The following SYNPR variants were observed in gnomAD, a reference collection of about 807,000 sequenced individuals.
SYNPR encodes the protein synaptoporin.
A neutral mutation model predicts 32.9 loss-of-function variants in SYNPR; 23 were observed. That is an observed-to-expected ratio of 0.70 (90% confidence interval 0.50 to 0.99). The LOEUF (loss-of-function observed/expected upper bound fraction) is 0.99, where lower values mean the gene tolerates loss of function less well. SYNPR is among the 50% of genes least tolerant of loss of function. The pLI, the probability that SYNPR is intolerant of heterozygous loss-of-function variation, is 0.00. For missense variants in SYNPR, 318 were observed against 349.3 expected, an observed-to-expected ratio of 0.91 and a Z score of 0.71; for synonymous variants, 146 against 135.9, an observed-to-expected ratio of 1.07 and a Z score of -0.52.
At chr3:63,404,170 G>A (rs74707084) in intron 2 of SYNPR, among the ~76,000 whole-genome samples, 2,679 of 152,226 alleles carry the variant, frequency 0.018, 33 homozygotes, top group Non-Finnish European at 0.027. Flanking sequence ...GCTGTAGAAA[G>A]GAAGCTGAAT....
chr3:63,563,142 T>C (rs1304166640), intron 4 of SYNPR, among the ~76,000 whole-genome samples: 18 of 152,184 alleles, frequency 1.2e-4, no homozygotes, highest in Admixed American at 1.2e-3. Context: ...AGTTCTGTCT[T>C]CCTCCAGTCC....
At chr3:63,485,402 T>C (rs1371359241) in intron 3 of SYNPR, among the ~76,000 whole-genome samples, 3 of 152,026 alleles carry the variant, frequency 2.0e-5, no homozygotes, top group African/African-American at 4.8e-5. Flanking sequence ...GAAAACTTTA[T>C]GTATGCTACC....
At chr3:63,579,788 AAC>A (rs59802344) in intron 4 of SYNPR, among the ~76,000 whole-genome samples, 14,530 of 145,950 alleles carry the variant, frequency 0.1, 809 homozygotes, top group African/African-American at 0.16. Flanking sequence ...ATTTAACTAA[AAC>A]ACACACACAC....
intron 1 of SYNPR, among the ~76,000 whole-genome samples, chr3:63,240,114 C>T (rs1409246976): frequency 2.0e-5 from 3 of 152,074 alleles, no homozygotes; most frequent in African/African-American, 4.8e-5. Context: ...CCTTACTCCT[C>T]ATGAGTTTTG....
At chr3:63,601,593 G>GCAGTACTTGGTTTTCTGTT (rs1344292815) in intron 4 of SYNPR, among the ~76,000 whole-genome samples, 4 of 152,086 alleles carry the variant, frequency 2.6e-5, no homozygotes, top group African/African-American at 4.8e-5. Context: ...GTGAGAACAT[G>GCAGTACTTGGTTTTCTGTT]CAGTACTTGG....
At chr3:63,321,712 G>C (rs764304792) in intron 2 of SYNPR, among the ~76,000 whole-genome samples, 1 of 152,080 alleles carries the variant, frequency 6.6e-6, no homozygotes, top group African/African-American at 2.4e-5. Flanking sequence ...AGGGAGTAAA[G>C]TCTGAAATTA....
chr3:63,343,248 G>A (rs2087391087), intron 2 of SYNPR, among the ~76,000 whole-genome samples: 1 of 152,210 alleles, frequency 6.6e-6, no homozygotes, highest in African/African-American at 2.4e-5. Flanking sequence ...TACTGTAGGT[G>A]TGCTGCAACA....
At chr3:63,436,706 C>G (rs1176915063) in intron 2 of SYNPR, among the ~76,000 whole-genome samples, 1 of 152,170 alleles carries the variant, frequency 6.6e-6, no homozygotes, top group African/African-American at 2.4e-5. Flanking sequence ...AGCAACTCTT[C>G]ATGGACCCAA....
intron 3 of SYNPR, among the ~76,000 whole-genome samples, chr3:63,509,775 T>C (rs912044418): frequency 6.6e-6 from 1 of 152,142 alleles, no homozygotes; most frequent in East Asian, 1.9e-4. Flanking sequence ...CAGCATAATC[T>C]GAAGCAAAAA....
At chr3:63,228,850 C>A (rs1397510825) in intron 1 of SYNPR, among the ~76,000 whole-genome samples, 1 of 151,868 alleles carries the variant, frequency 6.6e-6, no homozygotes, top group East Asian at 1.9e-4. Flanking sequence ...GTTTTGCTTT[C>A]ACGCCATCTG....
chr3:63,434,478 G>T (rs1031217486), intron 2 of SYNPR, among the ~76,000 whole-genome samples: 1 of 152,092 alleles, frequency 6.6e-6, no homozygotes, highest in African/African-American at 2.4e-5. Flanking sequence ...CCCCCTTCAT[G>T]GGGAAATGAT....
chr3:63,589,166 G>C (rs1007325657), intron 4 of SYNPR, among the ~76,000 whole-genome samples: 2 of 152,066 alleles, frequency 1.3e-5, no homozygotes, highest in Admixed American at 1.3e-4. Context: ...TCCTGAGACT[G>C]CTTTGAGAAC....
chr3:63,293,601 C>T (rs12488109), intron 2 of SYNPR, among the ~76,000 whole-genome samples: 31,492 of 152,120 alleles, frequency 0.21, 3,812 homozygotes, highest in South Asian at 0.38. Flanking sequence ...TATTTTCTCA[C>T]AGTTCTGGAG....
At chr3:63,220,961 T>G in the SYNPR span, among the ~76,000 whole-genome samples, 1 of 152,220 alleles carries the variant, frequency 6.6e-6, no homozygotes, top group Non-Finnish European at 1.5e-5. Context: ...TATTAAACTC[T>G]TTAGATTCAA....
intron 2 of SYNPR, among the ~76,000 whole-genome samples, chr3:63,299,434 G>GT (rs901858867): frequency 2.2e-4 from 34 of 151,690 alleles, no homozygotes; most frequent in South Asian, 8.3e-4. Context: ...GTTTTGTTTT[G>GT]TTTTTTGTAT....
intron 4 of SYNPR, among the ~76,000 whole-genome samples, chr3:63,577,436 T>C (rs1703003833): frequency 6.6e-6 from 1 of 152,006 alleles, no homozygotes; most frequent in Non-Finnish European, 1.5e-5. Flanking sequence ...GACAAGGAAT[T>C]GAATTGATTC....
intron 2 of SYNPR, among the ~76,000 whole-genome samples, chr3:63,329,159 A>T (rs866610267): frequency 3.9e-5 from 6 of 152,252 alleles, no homozygotes; most frequent in South Asian, 2.1e-4. Flanking sequence ...CTCAAGTGAC[A>T]ACATGGCATT....
intron 2 of SYNPR, among the ~76,000 whole-genome samples, chr3:63,463,597 G>A (rs116774056): frequency 6.6e-6 from 1 of 152,148 alleles, no homozygotes; most frequent in Admixed American, 6.5e-5. Flanking sequence ...GAATCTCTGG[G>A]TTGGTCTGTT....
upstream of SYNPR, among the ~76,000 whole-genome samples, chr3:63,274,115 C>G (rs2086557011): frequency 6.6e-6 from 1 of 152,174 alleles, no homozygotes. Context: ...GACAGACTTC[C>G]ACTCATTTCC....
Sources: allele counts gnomAD v4.1 joint callset (sites outside exome capture counted in the v4.1 genomes callset), GRCh38; gene constraint gnomAD v4.1.1; transcripts MANE v1.5; gene names NCBI Gene and HGNC (gene_info 2026-07-23, HGNC 2026-07-21).